IL1RAPL1: variants seen among roughly 807,000 people sequenced by gnomAD.
IL1RAPL1 encodes interleukin 1 receptor accessory protein like 1, also known as interleukin-1 receptor accessory protein-like 1.
A neutral mutation model predicts 48.4 loss-of-function variants in IL1RAPL1; 3 were observed. That is an observed-to-expected ratio of 0.06 (90% CI 0.03 to 0.16). The LOEUF (loss-of-function observed/expected upper bound fraction) is 0.16. Among genes scored for constraint, IL1RAPL1 ranks in the 10% least tolerant of loss-of-function variants. The probability of loss-of-function intolerance (pLI) is 1.00; values close to 1 mark genes in which losing one functional copy is unlikely to be tolerated. For missense variants in IL1RAPL1, 349 were observed against 530.6 expected, an observed-to-expected ratio of 0.66 and a Z score of 3.36; for synonymous variants, 185 against 187.7, an observed-to-expected ratio of 0.99 and a Z score of 0.12.
chrX:29,816,932 G>A (rs1010567948), intron 6 of IL1RAPL1, among the ~76,000 whole-genome samples: 3 of 109,634 alleles, frequency 2.7e-5, no homozygotes, highest in Non-Finnish European at 5.7e-5. Flanking sequence ...TAATGGATGT[G>A]CTTTTTAGCT....
chrX:29,339,075 T>TACACACACACACACACACACACACAC (rs758487838), intron 3 of IL1RAPL1, among the ~76,000 whole-genome samples: 1 of 92,318 alleles, frequency 1.1e-5, no homozygotes, highest in African/African-American at 4.1e-5. Flanking sequence ...GCTGGGTAAA[T>TACACACACACACACACACACACACAC]ACACACACAC....
At chrX:28,683,331 T>C (rs908214474) in intron 1 of IL1RAPL1, among the ~76,000 whole-genome samples, 2 of 108,385 alleles carry the variant, frequency 1.8e-5, no homozygotes, top group Admixed American at 2.0e-4. Flanking sequence ...TCCTGAAGCA[T>C]AAAATACAAC....
chrX:29,138,566 G>A (rs1929177763), intron 2 of IL1RAPL1, among the ~76,000 whole-genome samples: 2 of 108,357 alleles, frequency 1.8e-5, no homozygotes, highest in Admixed American at 2.0e-4. Context: ...TCAGGAGTTC[G>A]AGACCAGCCT....
chrX:29,150,350 G>C (rs1929437387), intron 2 of IL1RAPL1, among the ~76,000 whole-genome samples: 1 of 111,677 alleles, frequency 9.0e-6, no homozygotes, highest in African/African-American at 3.3e-5. Context: ...AGACAGGATA[G>C]ATAAGTAATG....
At chrX:29,100,475 A>G in intron 2 of IL1RAPL1, among the ~76,000 whole-genome samples, 1 of 111,384 alleles carries the variant, frequency 9.0e-6, no homozygotes, top group South Asian at 3.8e-4. Flanking sequence ...CCTACTAGCT[A>G]CTTTGATTGG....
At chrX:28,780,363 G>GTGTGTGTC (rs56989010) in intron 1 of IL1RAPL1, among the ~76,000 whole-genome samples, 6,423 of 91,148 alleles carry the variant, frequency 0.07, 294 homozygotes, top group Admixed American at 0.11. Context: ...GTGTGTGTGT[G>GTGTGTGTC]TGTCTGTCTG....
chrX:28,673,137 C>G (rs749016566), intron 1 of IL1RAPL1, among the ~76,000 whole-genome samples: 4 of 111,931 alleles, frequency 3.6e-5, no homozygotes, highest in South Asian at 7.4e-4. Flanking sequence ...GGTACTGGTA[C>G]AAAAACAGAC....
intron 3 of IL1RAPL1, among the ~76,000 whole-genome samples, chrX:29,322,818 T>TA (rs1932813373): frequency 9.0e-6 from 1 of 110,978 alleles, no homozygotes; most frequent in African/African-American, 3.3e-5. Context: ...GACAAAAAAA[T>TA]AAAAGTTACT....
At chrX:29,495,750 A>G (rs1343365550) in intron 5 of IL1RAPL1, among the ~76,000 whole-genome samples, 1 of 111,659 alleles carries the variant, frequency 9.0e-6, no homozygotes, top group Non-Finnish European at 1.9e-5. Context: ...ATTCAACCAC[A>G]TGGCTTGCAT....
chrX:28,814,988 C>T (rs1297554455), intron 2 of IL1RAPL1, among the ~76,000 whole-genome samples: 4 of 109,857 alleles, frequency 3.6e-5, no homozygotes, highest in Non-Finnish European at 5.7e-5. Flanking sequence ...TCTTGTATTA[C>T]CTATGACACT....
At chrX:28,604,712 C>T (rs1383228626) in intron 1 of IL1RAPL1, among the ~76,000 whole-genome samples, 6 of 76,146 alleles carry the variant, frequency 7.9e-5, no homozygotes, top group Non-Finnish European at 1.2e-4. Context: ...GGCGACAGAG[C>T]GAGACTCAAA....
intron 2 of IL1RAPL1, among the ~76,000 whole-genome samples, chrX:29,164,604 A>C (rs1462019152): frequency 2.7e-5 from 3 of 111,595 alleles, no homozygotes; most frequent in Non-Finnish European, 5.6e-5. Flanking sequence ...AGTGACTTTG[A>C]AATCAAAGTC....
chrX:29,913,401 CACACATATAT>C (rs1265871395), intron 6 of IL1RAPL1, among the ~76,000 whole-genome samples: 4 of 109,994 alleles, frequency 3.6e-5, no homozygotes, highest in South Asian at 7.8e-4. Context: ...GATACACACA[CACACATATAT>C]ACACATATAT....
chrX:29,136,261 G>A (rs1165143923), intron 2 of IL1RAPL1, among the ~76,000 whole-genome samples: 1 of 108,660 alleles, frequency 9.2e-6, no homozygotes, highest in Non-Finnish European at 1.9e-5. Context: ...CCCAGTAGCT[G>A]GGATTATAGG....
chrX:29,398,033 A>AT (rs1304657790), intron 4 of IL1RAPL1, among the ~76,000 whole-genome samples: 7 of 112,046 alleles, frequency 6.2e-5, no homozygotes, highest in Non-Finnish European at 1.3e-4. Flanking sequence ...GGTATTTAAA[A>AT]GTCATAACAT....
At chrX:29,447,674 G>A (rs768452359) in intron 5 of IL1RAPL1, among the ~76,000 whole-genome samples, 6 of 112,138 alleles carry the variant, frequency 5.4e-5, no homozygotes, top group Middle Eastern at 4.6e-3. Context: ...TTTCACTTAT[G>A]ATGTCGAAAC....
intron 2 of IL1RAPL1, among the ~76,000 whole-genome samples, chrX:29,193,969 C>A (rs938130273): frequency 9.0e-6 from 1 of 111,660 alleles, no homozygotes; most frequent in African/African-American, 3.2e-5. Flanking sequence ...GGAAAGATAA[C>A]CTCTTGAATG....
In IL1RAPL1 at chrX:29,019,363, A is replaced by C. The variant is rs376802872; in HGVS notation, c.82+229938A>C. 3.3e-4 allele frequency among the ~76,000 whole-genome samples: 37 copies of C among 112,065 alleles called. No homozygotes were observed. In the East Asian group the frequency reaches 4.5e-3, roughly 14 times the overall value. ...AATGGTTCACATTTTGAATATATTC[A>C]AAATTAATAAATGGTTCACTTTCAA... On this transcript the variant is annotated intron_variant, in intron 2 of 10. Transcript: ENST00000378993.
chrX:29,560,590 G>C (rs1442586486), intron 5 of IL1RAPL1, among the ~76,000 whole-genome samples: 1 of 111,470 alleles, frequency 9.0e-6, no homozygotes, highest in Non-Finnish European at 1.9e-5. Context: ...TCCTCTGACT[G>C]TGTAATTTCA....
Sources: allele counts gnomAD v4.1 joint callset (sites outside exome capture counted in the v4.1 genomes callset), GRCh38; gene constraint gnomAD v4.1.1; transcripts MANE v1.5; gene names NCBI Gene and HGNC (gene_info 2026-07-23, HGNC 2026-07-21).